Variants in CYP2J2 observed in about 807,000 individuals in gnomAD.
The protein encoded by CYP2J2 is cytochrome P450 2J2.
In CYP2J2, 41 loss-of-function variants were observed where a neutral mutation model predicts 48.8. That is an observed-to-expected ratio of 0.84 (90% confidence interval 0.66 to 1.09). The LOEUF is 1.09. Ranked by LOEUF, CYP2J2 falls within the 50% of genes least tolerant of loss-of-function variation. The probability of loss-of-function intolerance (pLI) is 0.00; values close to 1 mark genes in which losing one functional copy is unlikely to be tolerated. For synonymous variants in CYP2J2, 221 were observed against 227.1 expected (o/e 0.97, Z 0.24); for missense variants, 644 against 617.3 (o/e 1.04, Z -0.46).
At chr1:59,952,783 C>A in the CYP2J2 span, among the ~76,000 whole-genome samples, 3 of 152,202 alleles carry the variant, frequency 2.0e-5, no homozygotes, top group Non-Finnish European at 2.9e-5. Flanking sequence ...TGCACCAGGA[C>A]ACACCCAATG....
upstream of CYP2J2, among the ~76,000 whole-genome samples, chr1:59,930,963 T>C (rs1252488606): frequency 6.6e-6 from 1 of 152,174 alleles, no homozygotes; most frequent in Non-Finnish European, 1.5e-5. Flanking sequence ...TTAACTGCTA[T>C]ACAAAGTATT....
chr1:59,913,484 T>C (rs1644437048), intron 2 of CYP2J2, among the ~76,000 whole-genome samples: 1 of 152,188 alleles, frequency 6.6e-6, no homozygotes, highest in African/African-American at 2.4e-5. Context: ...GTTTTCTCCA[T>C]ATGACTTTTC....
At chr1:59,916,258 T>C (rs1482713161) in intron 1 of CYP2J2, among the ~76,000 whole-genome samples, 158 bp from the exon 2 acceptor site, 1 of 151,930 alleles carries the variant, frequency 6.6e-6, no homozygotes, top group Non-Finnish European at 1.5e-5. Flanking sequence ...TGAGTGTACA[T>C]TGGTCTCATG....
At chr1:59,932,812 T>C in the CYP2J2 span, among the ~76,000 whole-genome samples, 2 of 152,094 alleles carry the variant, frequency 1.3e-5, no homozygotes, top group East Asian at 3.9e-4. Flanking sequence ...GCAATTCTTG[T>C]GCCTCAGCCC....
chr1:59,950,831 A>G, the CYP2J2 span, among the ~76,000 whole-genome samples: 4 of 152,068 alleles, frequency 2.6e-5, no homozygotes, highest in Non-Finnish European at 4.4e-5. Flanking sequence ...TCTCCTCCAC[A>G]TGTCCCTTCT....
intron 4 of CYP2J2, among the ~76,000 whole-genome samples, chr1:59,911,399 G>A (rs1448107507): frequency 6.6e-6 from 1 of 152,130 alleles, no homozygotes; most frequent in Non-Finnish European, 1.5e-5. Flanking sequence ...TTACATGCAT[G>A]TTAGAAATGG....
the CYP2J2 span, among the ~76,000 whole-genome samples, chr1:59,952,346 G>A: frequency 7.1e-6 from 1 of 141,008 alleles, no homozygotes; most frequent in African/African-American, 2.7e-5. Context: ...GAGCATATTT[G>A]CTTATTTAAC....
chr1:59,963,661 TC>T, the CYP2J2 span, among the ~76,000 whole-genome samples: 185 of 152,294 alleles, frequency 1.2e-3, 2 homozygotes, highest in African/African-American at 4.3e-3. Context: ...TGTACAGGTA[TC>T]TGTTCAACCC....
At chr1:59,936,434 C>T in the CYP2J2 span, among the ~76,000 whole-genome samples, 46 of 152,188 alleles carry the variant, frequency 3.0e-4, no homozygotes, top group African/African-American at 4.6e-4. Flanking sequence ...CTTGCTCTTC[C>T]GCCTAGCCCT....
the CYP2J2 span, among the ~76,000 whole-genome samples, chr1:59,936,525 C>T: frequency 1.3e-5 from 2 of 152,058 alleles, no homozygotes; most frequent in East Asian, 3.8e-4. Flanking sequence ...ATATTTTTTC[C>T]CTTAAACACA....
the CYP2J2 span, among the ~76,000 whole-genome samples, chr1:59,949,239 G>A: frequency 4.8e-4 from 73 of 152,076 alleles, no homozygotes; most frequent in African/African-American, 1.5e-3. Context: ...ATGTTTTTGC[G>A]TGTGCATGGA....
At chr1:59,900,677 G>A (rs1311202528) in intron 8 of CYP2J2, among the ~76,000 whole-genome samples, 1 of 152,202 alleles carries the variant, frequency 6.6e-6, no homozygotes, top group Non-Finnish European at 1.5e-5. Flanking sequence ...CTCTTTGTGA[G>A]CTGGTGGTGG....
chr1:59,938,961 G>T, the CYP2J2 span, among the ~76,000 whole-genome samples: 2 of 152,226 alleles, frequency 1.3e-5, no homozygotes, highest in African/African-American at 2.4e-5. Context: ...ATCCTGCATA[G>T]CCGTAGATCC....
In CYP2J2 at chr1:59,901,249, C is replaced by T; in HGVS notation, c.1192-146G>A. The T allele has an allele frequency of 1.4e-5, 10 of 725,198 alleles. No individual in the cohort carries two copies. The South Asian group carries it at 2.2e-4, about 16-fold the overall frequency. 44.9% of individuals were successfully genotyped at this position (725,198 alleles called of 1,614,324 possible). A position where few individuals can be genotyped will look rare whatever the true frequency, so the allele number is the denominator to read the frequency against. ...AATTGTGGTACACAGTCTCCTGTGT[C>T]CCCCAACCCAGGACCCTTCTCTTTG... On this transcript the variant is annotated intron_variant, in intron 7 of 8. Coordinates refer to ENST00000371204, the MANE Select transcript of CYP2J2 (RefSeq NM_000775.4).
chr1:59,894,647 T>C (rs186476179), intron 8 of CYP2J2, among the ~76,000 whole-genome samples: 1 of 152,346 alleles, frequency 6.6e-6, no homozygotes, highest in African/African-American at 2.4e-5. Flanking sequence ...AAAACGAATA[T>C]GTGTTTAAGA....
chr1:59,919,423 G>GTGTGTGCACATGTGCA (rs1403340023), intron 1 of CYP2J2, among the ~76,000 whole-genome samples: 6 of 152,236 alleles, frequency 3.9e-5, no homozygotes, highest in African/African-American at 1.2e-4. Context: ...GTGTATGTGT[G>GTGTGTGCACATGTGCA]TGTGTGCACA....
At chr1:59,955,252 CCATA>C in the CYP2J2 span, among the ~76,000 whole-genome samples, 1 of 79,268 alleles carries the variant, frequency 1.3e-5, no homozygotes, top group Non-Finnish European at 2.3e-5. Flanking sequence ...ATATATATAT[CCATA>C]TATATATCCA....
intron 1 of CYP2J2, among the ~76,000 whole-genome samples, chr1:59,922,901 A>G (rs976995395): frequency 2.0e-5 from 3 of 152,318 alleles, no homozygotes; most frequent in Middle Eastern, 3.4e-3. Flanking sequence ...ACTGGAGTAC[A>G]TGGATAGTAC....
At chr1:59,959,183 C>A in the CYP2J2 span, among the ~76,000 whole-genome samples, 33 of 152,200 alleles carry the variant, frequency 2.2e-4, no homozygotes, top group East Asian at 5.0e-3. Flanking sequence ...CACAAGCATG[C>A]CTTAATATTA....
Sources: allele counts gnomAD v4.1 joint callset (sites outside exome capture counted in the v4.1 genomes callset), GRCh38; gene constraint gnomAD v4.1.1; transcripts MANE v1.5; gene names NCBI Gene and HGNC (gene_info 2026-07-23, HGNC 2026-07-21).